The following MCM6 variants were observed in gnomAD, a reference collection of about 807,000 sequenced individuals.
The protein encoded by MCM6 is DNA replication licensing factor MCM6.
In MCM6, 46 loss-of-function variants were observed where a neutral mutation model predicts 94.3. The observed-to-expected ratio is 0.49, with a 90% CI of 0.39 to 0.62. The LOEUF (loss-of-function observed/expected upper bound fraction) is 0.62. Ranked by LOEUF, MCM6 falls within the 20% of genes least tolerant of loss-of-function variation. The probability of loss-of-function intolerance (pLI) is 0.00; values close to 1 mark genes in which losing one functional copy is unlikely to be tolerated. For missense variants in MCM6, 865 were observed against 1,017.9 expected (o/e 0.85, Z 2.04); for synonymous variants, 335 against 351.9 (o/e 0.95, Z 0.54).
chr2:135,851,311 A>C, intron 13 of MCM6, 91 bp downstream of exon 13: 2 of 944,608 alleles, frequency 2.1e-6, no homozygotes, highest in South Asian at 1.9e-5. Context: ...ATGTATTTGC[A>C]GTGAATTCTA....
At chr2:135,864,519 G>C (rs1364123248) in intron 7 of MCM6, among the ~76,000 whole-genome samples, 5 of 151,914 alleles carry the variant, frequency 3.3e-5, no homozygotes, top group African/African-American at 1.2e-4. Flanking sequence ...CCACAAAAAG[G>C]CCAGGAGACT....
chr2:135,875,327 G>GCACT (rs1680274661), intron 1 of MCM6, among the ~76,000 whole-genome samples: 1 of 151,956 alleles, frequency 6.6e-6, no homozygotes, highest in Non-Finnish European at 1.5e-5. Flanking sequence ...TGGTGACACT[G>GCACT]CACTCCGGCC....
chr2:135,843,747 AAC>A (rs1384339770), intron 16 of MCM6, among the ~76,000 whole-genome samples: 80 of 146,292 alleles, frequency 5.5e-4, no homozygotes, highest in African/African-American at 2.0e-3. Flanking sequence ...AAAAAAAAAA[AAC>A]AAAACCATTC....
intron 11 of MCM6, among the ~76,000 whole-genome samples, chr2:135,853,491 A>C (rs1015511034): frequency 2.6e-5 from 4 of 152,186 alleles, no homozygotes; most frequent in African/African-American, 9.7e-5. Flanking sequence ...TAGGGCCCTC[A>C]GTGTATGAGA....
intron 4 of MCM6, 57 bp downstream of exon 4, chr2:135,868,554 T>G (rs1252999660): frequency 6.4e-7 from 1 of 1,566,796 alleles, no homozygotes; most frequent in Non-Finnish European, 8.8e-7. Flanking sequence ...TGCAAGGGCC[T>G]AGAAGTGAAT....
intron 8 of MCM6, among the ~76,000 whole-genome samples, chr2:135,860,691 T>C (rs551408129): frequency 2.0e-5 from 3 of 152,262 alleles, no homozygotes; most frequent in Admixed American, 6.5e-5. Context: ...AAACCAGGAA[T>C]AGAGGAGGTT....
At chr2:135,858,764 T>C (rs187733404) in intron 9 of MCM6, among the ~76,000 whole-genome samples, 25 of 152,348 alleles carry the variant, frequency 1.6e-4, no homozygotes, top group African/African-American at 5.5e-4. Context: ...CTATAACTTA[T>C]ATACACATCT....
rs991458400 is a variant in MCM6 at position 135,852,877 on chromosome 2, C to G, written c.1665G>C (p.Leu555Phe). The G allele has an allele frequency of 6.2e-7, 1 of 1,610,524 alleles. No individual in the cohort carries two copies. The highest frequency in any genetic ancestry group is 8.5e-7 in the Non-Finnish European group (1 of 1,178,522). Reference protein sequence around the residue: ...DYAIARRIVDLHSRIEESIDR... With the variant: ...DYAIARRIVDFHSRIEESIDR... Reference sequence around the variant, plus strand: ...CAATTGATTCCTCAATTCTTGAATGCAAATCTACTATGCGCCTGGCAATGG... The same window carrying G: ...CAATTGATTCCTCAATTCTTGAATGGAAATCTACTATGCGCCTGGCAATGG... The change falls in exon 12 of 17, where the codon TTG becomes TTC. Residue 555 changes from leucine (L) to phenylalanine (F), a missense_variant. Around this residue, in one of 3 missense-constraint regions of MCM6, gnomAD observed 308 missense variants for 324.5 expected, o/e 0.95. Transcript: ENST00000264156.
At chr2:135,861,858 C>T (rs951865367) in intron 8 of MCM6, among the ~76,000 whole-genome samples, 5 of 152,148 alleles carry the variant, frequency 3.3e-5, no homozygotes, top group African/African-American at 4.8e-5. Context: ...CCTCATGATC[C>T]GCCCGCCTTG....
chr2:135,864,779 T>C (rs1330623645), intron 7 of MCM6, among the ~76,000 whole-genome samples: 1 of 152,180 alleles, frequency 6.6e-6, no homozygotes, highest in African/African-American at 2.4e-5. Context: ...AATAACTCAT[T>C]TCTCCCATTC....
chr2:135,868,046 C>G (rs559557258), intron 4 of MCM6, among the ~76,000 whole-genome samples: 2 of 151,724 alleles, frequency 1.3e-5, no homozygotes, highest in Non-Finnish European at 2.9e-5. Context: ...AAAAACAAAA[C>G]AAAACAAACA....
At chr2:135,856,682 C>A in intron 11 of MCM6, 46 bp downstream of exon 11, 1 of 1,592,056 alleles carries the variant, frequency 6.3e-7, no homozygotes. Flanking sequence ...CCTTGTCTCA[C>A]TCGATTACTC....
intron 2 of MCM6, among the ~76,000 whole-genome samples, chr2:135,872,372 C>G (rs112551812): frequency 3.3e-5 from 5 of 152,120 alleles, no homozygotes; most frequent in African/African-American, 1.2e-4. Context: ...CGCTTGAACC[C>G]GGGAGGCAGA....
At chr2:135,858,382 G>C (rs898606516) in intron 9 of MCM6, among the ~76,000 whole-genome samples, 1 of 152,116 alleles carries the variant, frequency 6.6e-6, no homozygotes, top group South Asian at 2.1e-4. Flanking sequence ...AGATACTCGG[G>C]AGGCTGAGGC....
rs372466825 is a variant in MCM6, at chr2:135,862,524, T to A, written c.1220+83A>T. 3.5e-6 allele frequency: 5 copies of A among 1,447,160 alleles called. No individual in the cohort carries two copies. In the South Asian group the frequency reaches 6.0e-5, roughly 17 times the overall value. 89.6% of individuals were successfully genotyped at this position (1,447,160 alleles called of 1,614,324 possible). A position where few individuals can be genotyped will look rare whatever the true frequency, so the allele number is the denominator to read the frequency against. On this transcript the variant is annotated intron_variant, in intron 8 of 16. Transcript: ENST00000264156. ...ATAATTTACACTCCTAGTAAGGCCA[T>A]ACTGACTGCATTCTTGGTAGCACAG...
intron 13 of MCM6, among the ~76,000 whole-genome samples, chr2:135,849,128 C>A (rs1331742088): frequency 6.6e-6 from 1 of 152,184 alleles, no homozygotes; most frequent in Non-Finnish European, 1.5e-5. Flanking sequence ...TAATTCTGGG[C>A]ACCTGGTAGG....
rs1679542627 is a variant in MCM6 at position 135,840,188 on chromosome 2, T to A, written c.*647A>T. 6.8e-6 allele frequency: 1 copy of A among 147,804 alleles called. No individual in the cohort carries two copies. The highest frequency in any genetic ancestry group is 2.5e-5 in the African/African-American group (1 of 39,598). The allele number at this position is 147,804 out of a possible 1,614,324, so 9.2% of individuals were successfully genotyped here. ...AGAAGTAAAATAAATTACTAAAGAGTAATTTTAAAAAAGTATAATAAACTT... is the reference window on the plus strand; with the variant it reads ...AGAAGTAAAATAAATTACTAAAGAGAAATTTTAAAAAAGTATAATAAACTT... On this transcript the variant is annotated 3_prime_UTR_variant, in exon 17 of 17. Coordinates refer to ENST00000264156, the MANE Select transcript of MCM6 (RefSeq NM_005915.6).
rs1680194573 is a variant in MCM6, at chr2:135,871,232, G to C, written c.255-871C>G. ...TGGGGTCTGAAACCCTCTAAAAAAG[G>C]CGCTACTCTCAGGAAAGAGAACTGC... On this transcript the variant is annotated intron_variant, in intron 2 of 16. Coordinates refer to ENST00000264156, the MANE Select transcript of MCM6 (RefSeq NM_005915.6). Among the ~76,000 whole-genome samples the C allele has an allele frequency of 1.3e-5, 2 of 152,142 alleles. 1 individual carries two copies. Among genetic ancestry groups the C allele is most frequent in the South Asian group, 4.1e-4 (2 of 4,830 alleles).
chr2:135,865,871 T>C (rs1196226308), intron 6 of MCM6, among the ~76,000 whole-genome samples: 1 of 152,146 alleles, frequency 6.6e-6, no homozygotes, highest in African/African-American at 2.4e-5. Context: ...TAGGTGTTTC[T>C]TAAGCTGTCA....
Sources: gnomAD v4.1 joint callset for allele counts (sites outside exome capture counted in the v4.1 genomes callset) on GRCh38, gnomAD v4.1.1 for gene constraint, gnomAD v4.1.1 regional missense constraint, MANE v1.5 for transcripts, NCBI Gene and HGNC (gene_info 2026-07-23, HGNC 2026-07-21) for gene names.